MVB12B: variants seen among roughly 807,000 people sequenced by gnomAD.
MVB12B encodes the protein multivesicular body subunit 12B.
In MVB12B, 16 loss-of-function variants were observed where a neutral mutation model predicts 41.6. The observed-to-expected ratio is 0.38, with a 90% CI of 0.26 to 0.58. The LOEUF is 0.58. Among genes scored for constraint, MVB12B ranks in the 20% least tolerant of loss-of-function variants. The pLI is 0.62. For synonymous variants in MVB12B, 133 were observed against 139.7 expected (o/e 0.95, Z 0.34); for missense variants, 274 against 380.2 (o/e 0.72, Z 2.32).
intron 1 of MVB12B, among the ~76,000 whole-genome samples, chr9:126,334,909 T>C (rs1383417408): frequency 1.3e-5 from 2 of 152,210 alleles, no homozygotes; most frequent in East Asian, 1.9e-4. Flanking sequence ...GAACCTACCA[T>C]TGCACCATAA....
chr9:126,421,202 T>C (rs374481379), intron 6 of MVB12B, among the ~76,000 whole-genome samples: 2 of 152,368 alleles, frequency 1.3e-5, no homozygotes, highest in African/African-American at 4.8e-5. Flanking sequence ...TTGTGAGCTT[T>C]AATGACTCAC....
chr9:126,494,318 C>T (rs114560389), intron 9 of MVB12B, among the ~76,000 whole-genome samples: 10 of 152,294 alleles, frequency 6.6e-5, no homozygotes, highest in Admixed American at 2.0e-4. Flanking sequence ...TGGGTCTTCT[C>T]GGCAGCCAGT....
At chr9:126,404,525 G>A (rs923351476) in intron 6 of MVB12B, among the ~76,000 whole-genome samples, 2 of 152,222 alleles carry the variant, frequency 1.3e-5, no homozygotes, top group Non-Finnish European at 2.9e-5. Context: ...AGGTGGCCCC[G>A]CCATCTTCCT....
intron 7 of MVB12B, among the ~76,000 whole-genome samples, chr9:126,451,738 G>A (rs575576321): frequency 2.6e-5 from 4 of 152,220 alleles, no homozygotes; most frequent in Admixed American, 2.6e-4. Context: ...GTGGGTGCCC[G>A]GGACTCATGT....
At chr9:126,404,744 G>GC (rs1205561441) in intron 6 of MVB12B, among the ~76,000 whole-genome samples, 2 of 152,266 alleles carry the variant, frequency 1.3e-5, no homozygotes, top group Non-Finnish European at 2.9e-5. Context: ...GGAGGTCCCA[G>GC]CACCACCATC....
intron 9 of MVB12B, among the ~76,000 whole-genome samples, chr9:126,493,911 G>A (rs1463954711): frequency 3.3e-5 from 5 of 152,060 alleles, no homozygotes; most frequent in Admixed American, 1.3e-4. Context: ...CAGTTACGTC[G>A]CCTGTGAATG....
chr9:126,352,214 C>T lies in MVB12B; in HGVS notation c.204+11584C>T, dbSNP rs72758748. Among the ~76,000 whole-genome samples the T allele has an allele frequency of 4.2e-3, 636 of 152,180 alleles. 6 individuals carry two copies. The highest frequency in any genetic ancestry group is 6.5e-3 in the Non-Finnish European group (440 of 68,020). On this transcript the variant is annotated intron_variant, in intron 2 of 9. Transcript: ENST00000361171. ...CTGTAGTTTTCTTTTTGTATACTGT[C>T]TGTCTGGCTTGGTAATACTAGATTC...
At chr9:126,446,937 T>C (rs2047042887) in intron 7 of MVB12B, among the ~76,000 whole-genome samples, 2 of 104,722 alleles carry the variant, frequency 1.9e-5, no homozygotes, top group South Asian at 7.2e-4. Flanking sequence ...TTTTTAACTT[T>C]CTTTTTTTTT....
intron 1 of MVB12B, among the ~76,000 whole-genome samples, chr9:126,337,173 C>G (rs959590951): frequency 6.6e-6 from 1 of 152,204 alleles, no homozygotes; most frequent in African/African-American, 2.4e-5. Context: ...TTGCTTCCCC[C>G]TCCTCCTGAT....
chr9:126,465,160 T>G (rs1833172853), intron 7 of MVB12B, among the ~76,000 whole-genome samples: 1 of 152,216 alleles, frequency 6.6e-6, no homozygotes. Context: ...CTTAGTGAGA[T>G]TTATACATTG....
At chr9:126,448,763 C>T (rs945064080) in intron 7 of MVB12B, among the ~76,000 whole-genome samples, 5 of 152,100 alleles carry the variant, frequency 3.3e-5, no homozygotes, top group African/African-American at 1.2e-4. Flanking sequence ...CACTTATTAC[C>T]AAGGGGATGG....
intron 1 of MVB12B, among the ~76,000 whole-genome samples, chr9:126,339,454 A>T (rs1829376688): frequency 6.6e-6 from 1 of 152,132 alleles, no homozygotes; most frequent in Non-Finnish European, 1.5e-5. Context: ...TCATTTACAT[A>T]TGGTGTTGCC....
intron 7 of MVB12B, among the ~76,000 whole-genome samples, chr9:126,451,140 G>A (rs917812732): frequency 2.0e-5 from 3 of 152,200 alleles, no homozygotes; most frequent in Admixed American, 6.5e-5. Flanking sequence ...GGCAGGCTGA[G>A]TATTCCCAGC....
chr9:126,385,964 C>T (rs764547005), intron 3 of MVB12B, among the ~76,000 whole-genome samples: 9 of 152,190 alleles, frequency 5.9e-5, no homozygotes, highest in Non-Finnish European at 1.2e-4. Context: ...CCATATACTA[C>T]CACTAAACAG....
intron 9 of MVB12B, among the ~76,000 whole-genome samples, chr9:126,495,830 C>A (rs575663212): frequency 6.6e-5 from 10 of 152,270 alleles, no homozygotes; most frequent in African/African-American, 2.4e-4. Context: ...TGTGAAACAC[C>A]GCACAGGCCA....
At chr9:126,329,867 G>A (rs376178478) in intron 1 of MVB12B, among the ~76,000 whole-genome samples, 10 of 151,942 alleles carry the variant, frequency 6.6e-5, no homozygotes, top group African/African-American at 1.9e-4. Flanking sequence ...CTTCTCCCCA[G>A]GCTGCTCTGG....
At chr9:126,427,607 A>C (rs1832217460) in intron 7 of MVB12B, among the ~76,000 whole-genome samples, 1 of 152,238 alleles carries the variant, frequency 6.6e-6, no homozygotes, top group African/African-American at 2.4e-5. Context: ...AACCATAGAA[A>C]GCTTATTTAT....
chr9:126,500,476 C>T (rs1833931050), intron 9 of MVB12B, among the ~76,000 whole-genome samples: 1 of 152,134 alleles, frequency 6.6e-6, no homozygotes, highest in Admixed American at 6.5e-5. Context: ...CACCCATTCC[C>T]AGGTTCCAGT....
chr9:126,426,699 T>G lies in MVB12B; in HGVS notation c.757+4751T>G, dbSNP rs564182227. ...ACATACGGCCAAATGAAAATGGAAG[T>G]GAGGAAACACAAGTGAATGGAAATA... On this transcript the variant is annotated intron_variant, in intron 7 of 9. Transcript: ENST00000361171. Among the ~76,000 whole-genome samples the G allele has an allele frequency of 2.1e-4, 32 of 151,958 alleles. 1 individual carries two copies. The highest frequency in any genetic ancestry group is 1.5e-3 in the East Asian group (8 of 5,188).
Sources: allele counts gnomAD v4.1 joint callset (sites outside exome capture counted in the v4.1 genomes callset), GRCh38; gene constraint gnomAD v4.1.1; transcripts MANE v1.5; gene names NCBI Gene and HGNC (gene_info 2026-07-23, HGNC 2026-07-21).